SATB2: variants seen among roughly 807,000 people sequenced by gnomAD.
The protein encoded by SATB2 is SATB homeobox 2, also known as DNA-binding protein SATB2.
A neutral mutation model predicts 73.4 loss-of-function variants in SATB2; 1 was observed. That is an observed-to-expected ratio of 0.01 (90% CI 0.00 to 0.06). The LOEUF is 0.06. Ranked by LOEUF, SATB2 falls within the 10% of genes least tolerant of loss-of-function variation. SATB2 has a pLI of 1.00. For synonymous variants in SATB2, 397 were observed against 367.0 expected (o/e 1.08, Z -0.93); for missense variants, 459 against 945.8 (o/e 0.49, Z 6.75).
In SATB2 at chr2:199,334,931, G is replaced by A. The variant is rs562517962; in HGVS notation, c.1174-6021C>T. ...GAGAGGCATTTCCCCCTCAGTTCAC[G>A]AATATTAACAGGTTTCCCTGGGTTC... is the stretch of plus-strand genomic sequence containing the variant. On this transcript the variant is annotated intron_variant, in intron 7 of 10. Transcript: ENST00000417098. 5.3e-5 allele frequency among the ~76,000 whole-genome samples: 8 copies of A among 151,990 alleles called. No individual in the cohort carries two copies. In the South Asian group the frequency reaches 1.2e-3, roughly 24 times the overall value.
intron 10 of SATB2, among the ~76,000 whole-genome samples, chr2:199,282,167 C>G (rs1296194041): frequency 6.6e-6 from 1 of 152,190 alleles, no homozygotes; most frequent in Non-Finnish European, 1.5e-5. Context: ...AGGCGTAAAC[C>G]ACTGCGCCCG....
chr2:199,309,622 G>A (rs144515258), intron 9 of SATB2, among the ~76,000 whole-genome samples: 11 of 152,288 alleles, frequency 7.2e-5, no homozygotes, highest in African/African-American at 2.4e-5. Flanking sequence ...TCTGGCATCC[G>A]GATGTTCTCT....
chr2:199,359,298 A>AAC, intron 6 of SATB2, among the ~76,000 whole-genome samples: 1 of 152,188 alleles, frequency 6.6e-6, no homozygotes. Context: ...TAGCTGTGAA[A>AAC]ACCTCAAAGG....
chr2:199,334,927 T>C (rs572570907), intron 7 of SATB2, among the ~76,000 whole-genome samples: 2 of 152,174 alleles, frequency 1.3e-5, no homozygotes, highest in African/African-American at 4.8e-5. Context: ...CCCCCTCAGT[T>C]CACGAATATT....
At chr2:199,287,812 C>T (rs925216569) in intron 10 of SATB2, among the ~76,000 whole-genome samples, 25 of 152,078 alleles carry the variant, frequency 1.6e-4, no homozygotes, top group Non-Finnish European at 3.4e-4. Flanking sequence ...AATAATCTCA[C>T]AATATTGGCA....
intron 8 of SATB2, among the ~76,000 whole-genome samples, chr2:199,328,081 T>A (rs1688080288): frequency 6.6e-6 from 1 of 152,164 alleles, no homozygotes; most frequent in African/African-American, 2.4e-5. Flanking sequence ...ACTGAGCAGC[T>A]ATGTATAAAC....
At chr2:199,289,529 G>A (rs936904145) in intron 10 of SATB2, among the ~76,000 whole-genome samples, 8 of 152,092 alleles carry the variant, frequency 5.3e-5, no homozygotes, top group Non-Finnish European at 7.4e-5. Flanking sequence ...TCCACACAAC[G>A]TTGCCTTGGC....
At chr2:199,361,860 C>T (rs140119852) in intron 6 of SATB2, among the ~76,000 whole-genome samples, 6 of 151,142 alleles carry the variant, frequency 4.0e-5, no homozygotes, top group East Asian at 3.9e-4. Context: ...TGGGTTCAAG[C>T]GATTCTCCTG....
chr2:199,463,348 C>A lies in SATB2; in HGVS notation c.-141+1488G>T, dbSNP rs1461985279. ...AGCGCCGAAGGAGCCGCCGCTGCGTCCCCGCCCCCAGCTCGGAGCTGCCGG... is the reference window on the plus strand; with the variant it reads ...AGCGCCGAAGGAGCCGCCGCTGCGTACCCGCCCCCAGCTCGGAGCTGCCGG... On this transcript the variant is annotated intron_variant, in intron 1 of 11. Transcript: ENST00000260926. The surrounding 1 kb of genome is among the most constrained non-coding windows in gnomAD (Gnocchi z 6.4). Among the ~76,000 whole-genome samples the A allele has an allele frequency of 6.6e-6, 1 of 152,218 alleles. No individual in the cohort carries two copies. Among genetic ancestry groups the A allele is most frequent in the East Asian group, 1.9e-4 (1 of 5,188 alleles).
At chr2:199,456,794 G>A (rs895778664) in intron 1 of SATB2, among the ~76,000 whole-genome samples, 2 of 152,216 alleles carry the variant, frequency 1.3e-5, no homozygotes, top group Non-Finnish European at 2.9e-5. Context: ...GATCCCCAGT[G>A]CTTTTTTAAA....
chr2:199,418,209 G>T (rs1023656104), intron 3 of SATB2, among the ~76,000 whole-genome samples: 15 of 152,142 alleles, frequency 9.9e-5, no homozygotes, highest in African/African-American at 3.4e-4. Flanking sequence ...CATAGAAGAG[G>T]AAACTGAGGC....
intron 3 of SATB2, among the ~76,000 whole-genome samples, chr2:199,426,109 G>T (rs903198433): frequency 1.3e-5 from 2 of 151,940 alleles, no homozygotes; most frequent in Non-Finnish European, 2.9e-5. Flanking sequence ...TAGCTCTAAG[G>T]CCTAAAATGT....
upstream of SATB2, among the ~76,000 whole-genome samples, chr2:199,462,684 G>A (rs908294710): frequency 6.6e-6 from 1 of 152,178 alleles, no homozygotes; most frequent in Non-Finnish European, 1.5e-5. The surrounding 1 kb of genome is among the most constrained non-coding windows in gnomAD (Gnocchi z 5.9). Context: ...GGAGAGGGAA[G>A]GAAGCCGTCG....
chr2:199,377,315 T>G (rs1332363876), intron 5 of SATB2, among the ~76,000 whole-genome samples: 2 of 152,154 alleles, frequency 1.3e-5, no homozygotes, highest in Admixed American at 6.5e-5. Context: ...GAGGCGGCAG[T>G]TGCACTGAGC....
intron 5 of SATB2, among the ~76,000 whole-genome samples, chr2:199,376,106 G>A (rs2105860088): frequency 6.6e-6 from 1 of 152,274 alleles, no homozygotes; most frequent in Admixed American, 6.5e-5. Context: ...TAGGATGAAT[G>A]CCAGGGTCCA....
intron 10 of SATB2, among the ~76,000 whole-genome samples, chr2:199,300,526 T>C (rs1332520632): frequency 6.6e-6 from 1 of 152,112 alleles, no homozygotes; most frequent in Non-Finnish European, 1.5e-5. Flanking sequence ...CAATATTCTA[T>C]TAAAATAGAA....
At chr2:199,401,472 G>T (rs1690473864) in intron 3 of SATB2, among the ~76,000 whole-genome samples, 1 of 151,726 alleles carries the variant, frequency 6.6e-6, no homozygotes, top group African/African-American at 2.4e-5. Flanking sequence ...AGAATTGCTT[G>T]AACCCGGGAG....
At chr2:199,435,701 T>A (rs911887796) in intron 2 of SATB2, among the ~76,000 whole-genome samples, 2 of 152,202 alleles carry the variant, frequency 1.3e-5, no homozygotes, top group African/African-American at 4.8e-5. Flanking sequence ...ACACCTACTA[T>A]GTGACAGGTA....
intron 6 of SATB2, among the ~76,000 whole-genome samples, chr2:199,361,048 C>T (rs1236732851): frequency 2.6e-5 from 4 of 152,124 alleles, no homozygotes; most frequent in Non-Finnish European, 4.4e-5. Flanking sequence ...AGCCCTCTCC[C>T]GCTCTTGCTC....
Sources: allele counts gnomAD v4.1 joint callset (sites outside exome capture counted in the v4.1 genomes callset), GRCh38; gene constraint gnomAD v4.1.1; non-coding constraint Gnocchi (gnomAD v3.1); transcripts MANE v1.5; gene names NCBI Gene and HGNC (gene_info 2026-07-23, HGNC 2026-07-21).